The following OTUD7A variants were observed in gnomAD, a reference collection of about 807,000 sequenced individuals.
The protein encoded by OTUD7A is OTU domain-containing protein 7A.
A neutral mutation model predicts 65.7 loss-of-function variants in OTUD7A; 12 were observed. That is an observed-to-expected ratio of 0.18 (90% CI 0.12 to 0.30). The LOEUF (loss-of-function observed/expected upper bound fraction) is 0.30. Ranked by LOEUF, OTUD7A falls within the 10% of genes least tolerant of loss-of-function variation. OTUD7A has a pLI of 1.00. For synonymous variants in OTUD7A, 641 were observed against 586.3 expected (o/e 1.09, Z -1.35); for missense variants, 1,148 against 1,304.8 (o/e 0.88, Z 1.85).
At chr15:31,763,798 G>C (rs1007339907) in intron 1 of OTUD7A, among the ~76,000 whole-genome samples, 1 of 152,114 alleles carries the variant, frequency 6.6e-6, no homozygotes, top group African/African-American at 2.4e-5. Context: ...ATACAGCAAG[G>C]AAAAATCACC....
intron 1 of OTUD7A, among the ~76,000 whole-genome samples, chr15:31,845,348 G>A (rs2140998583): frequency 6.6e-6 from 1 of 152,280 alleles, no homozygotes; most frequent in South Asian, 2.1e-4. Context: ...TGCAGATTCT[G>A]GCCCCTACTT....
At chr15:31,717,353 C>T (rs988407232) in intron 1 of OTUD7A, among the ~76,000 whole-genome samples, 13 of 152,142 alleles carry the variant, frequency 8.5e-5, no homozygotes, top group Non-Finnish European at 1.0e-4. Flanking sequence ...AACCCGTCAC[C>T]TACATTAGGT....
At chr15:31,670,919 C>T (rs1211950664) in intron 1 of OTUD7A, among the ~76,000 whole-genome samples, 3 of 151,624 alleles carry the variant, frequency 2.0e-5, no homozygotes, top group Non-Finnish European at 4.4e-5. Flanking sequence ...GGCATGAACC[C>T]GGGAGGCGGA....
At chr15:31,623,751 C>T (rs1890871276) in intron 3 of OTUD7A, among the ~76,000 whole-genome samples, 4 of 152,216 alleles carry the variant, frequency 2.6e-5, no homozygotes, top group African/African-American at 7.2e-5. Flanking sequence ...GGCTCATGCT[C>T]GGTGCGCTGC....
At position 31,767,504 on chromosome 15, in the gene OTUD7A, G is replaced by T. The variant is rs1895121670; in HGVS notation, c.-100+103003C>A. On this transcript the variant is annotated intron_variant, in intron 1 of 12. Coordinates refer to ENST00000307050, the MANE Select transcript of OTUD7A (RefSeq NM_001382637.1). ...CCCAGTGAGGGAGGTCATCTGATTT[G>T]TTTTGTAGTATAACTACTCCATGTT... 5.2e-6 allele frequency: 4 copies of T among 772,370 alleles called. No homozygotes were observed. In the Admixed American group the frequency reaches 6.8e-5, roughly 13 times the overall value. The allele number at this position is 772,370 out of a possible 1,614,324, so 47.8% of individuals were successfully genotyped here.
At chr15:31,506,841 C>T (rs1406246552) in intron 8 of OTUD7A, among the ~76,000 whole-genome samples, 1 of 152,146 alleles carries the variant, frequency 6.6e-6, no homozygotes, top group Non-Finnish European at 1.5e-5. Flanking sequence ...GCAGAGAGAG[C>T]TTGGCATGAT....
At chr15:31,784,184 A>G (rs1895612540) in intron 1 of OTUD7A, among the ~76,000 whole-genome samples, 1 of 152,370 alleles carries the variant, frequency 6.6e-6, no homozygotes, top group South Asian at 2.1e-4. Flanking sequence ...AAGTTTACCA[A>G]TGTGGCTTCA....
At chr15:31,627,153 A>T (rs1183781246) in intron 3 of OTUD7A, among the ~76,000 whole-genome samples, 1 of 151,882 alleles carries the variant, frequency 6.6e-6, no homozygotes, top group African/African-American at 2.4e-5. Context: ...GGTTTGTTAC[A>T]CATGTATGCA....
intron 5 of OTUD7A, among the ~76,000 whole-genome samples, chr15:31,537,859 A>C (rs564286254): frequency 6.6e-6 from 1 of 152,296 alleles, no homozygotes; most frequent in South Asian, 2.1e-4. Flanking sequence ...AATCAGGGAG[A>C]GGAGGGACAG....
intron 3 of OTUD7A, among the ~76,000 whole-genome samples, chr15:31,617,212 G>A (rs1890616378): frequency 6.6e-6 from 1 of 152,278 alleles, no homozygotes; most frequent in African/African-American, 2.4e-5. Context: ...AACTTGGCCG[G>A]GTGCAGTGGC....
At chr15:31,713,742 C>T (rs897786479) in intron 1 of OTUD7A, among the ~76,000 whole-genome samples, 1 of 151,254 alleles carries the variant, frequency 6.6e-6, no homozygotes, top group African/African-American at 2.4e-5. Flanking sequence ...CATTGCAATC[C>T]ATAGACTCAG....
At chr15:31,710,363 G>A (rs555340217) in intron 1 of OTUD7A, among the ~76,000 whole-genome samples, 40 of 149,742 alleles carry the variant, frequency 2.7e-4, no homozygotes, top group Admixed American at 8.7e-4. Flanking sequence ...GAACTGAAAC[G>A]CACACCTGCA....
At chr15:31,772,379 A>T (rs1028011346) in intron 1 of OTUD7A, among the ~76,000 whole-genome samples, 2 of 152,012 alleles carry the variant, frequency 1.3e-5, no homozygotes, top group African/African-American at 4.8e-5. Flanking sequence ...CTATGTGCCC[A>T]GCATTTGCAT....
At chr15:31,808,136 C>CACACACACACACACACACAAAAA (rs772574742) in intron 1 of OTUD7A, among the ~76,000 whole-genome samples, 1 of 119,416 alleles carries the variant, frequency 8.4e-6, no homozygotes, top group Non-Finnish European at 1.9e-5. Context: ...CACACACACA[C>CACACACACACACACACACAAAAA]AAACAAATCC....
At chr15:31,592,814 C>T (rs1473346989) in intron 3 of OTUD7A, among the ~76,000 whole-genome samples, 7 of 133,574 alleles carry the variant, frequency 5.2e-5, no homozygotes, top group South Asian at 2.6e-4. Flanking sequence ...CAGGAGGCGG[C>T]GCTTGCAGTG....
Position 31,765,625 on chromosome 15 carries a change from C to T in OTUD7A, c.-100+104882G>A, listed in dbSNP as rs1595754467. 4.9e-6 allele frequency: 3 copies of T among 616,372 alleles called. No individual in the cohort carries two copies. In the East Asian group the frequency reaches 8.4e-5, roughly 17 times the overall value. 38.2% of individuals were successfully genotyped at this position (616,372 alleles called of 1,614,324 possible). ...AAACATCTATTTTGGCACTACCTTA[C>T]ATAATGTGTTTATTTAGAAATACCT... On this transcript the variant is annotated intron_variant, in intron 1 of 12. Coordinates refer to ENST00000307050, the MANE Select transcript of OTUD7A (RefSeq NM_001382637.1).
chr15:31,855,539 C>T (rs4779554), intron 1 of OTUD7A, among the ~76,000 whole-genome samples: 142,425 of 152,178 alleles, frequency 0.94, 67,367 homozygotes, highest in East Asian at 1. Context: ...AATGTATCCA[C>T]TGGAACTACT....
At chr15:31,517,454 G>C (rs961438250) in intron 8 of OTUD7A, among the ~76,000 whole-genome samples, 10 of 152,352 alleles carry the variant, frequency 6.6e-5, no homozygotes, top group African/African-American at 2.2e-4. Context: ...GCAAATGCGA[G>C]ATCTGGGATT....
chr15:31,859,567 T>A (rs1169544913), intron 1 of OTUD7A, among the ~76,000 whole-genome samples: 6 of 152,238 alleles, frequency 3.9e-5, no homozygotes. Flanking sequence ...TCTTTCCCCC[T>A]TGTGGGATAA....
Sources: gnomAD v4.1 joint callset for allele counts (sites outside exome capture counted in the v4.1 genomes callset) on GRCh38, gnomAD v4.1.1 for gene constraint, MANE v1.5 for transcripts, NCBI Gene and HGNC (gene_info 2026-07-23, HGNC 2026-07-21) for gene names.